ADAMTSL1: variants seen among roughly 807,000 people sequenced by gnomAD.
The protein encoded by ADAMTSL1 is ADAMTS-like protein 1.
Under a neutral mutation model 201.8 loss-of-function variants are expected in ADAMTSL1, and 126 were observed. That is an observed-to-expected ratio of 0.62 (90% CI 0.54 to 0.72). The LOEUF (loss-of-function observed/expected upper bound fraction) is 0.72, where lower values mean the gene tolerates loss of function less well. Among genes scored for constraint, ADAMTSL1 ranks in the 30% least tolerant of loss-of-function variants. ADAMTSL1 has a pLI of 0.00. For synonymous variants in ADAMTSL1, 1,121 were observed against 903.4 expected (o/e 1.24, Z -4.32); for missense variants, 2,679 against 2,277.8 (o/e 1.18, Z -3.59).
At chr9:18,583,053 C>T (rs1023348812) in intron 4 of ADAMTSL1, among the ~76,000 whole-genome samples, 9 of 152,022 alleles carry the variant, frequency 5.9e-5, no homozygotes, top group Non-Finnish European at 8.8e-5. Flanking sequence ...GTAAATTGCT[C>T]GGTCTTGGGT....
At chr9:18,574,604 T>C (rs1029761664) in intron 4 of ADAMTSL1, 33 of 411,460 alleles carry the variant, frequency 8.0e-5, no homozygotes, top group African/African-American at 5.2e-4. Flanking sequence ...TTTGTGTGTG[T>C]GTGTGTGTGT....
At chr9:18,645,122 A>G (rs1165200175) in intron 7 of ADAMTSL1, among the ~76,000 whole-genome samples, 1 of 152,010 alleles carries the variant, frequency 6.6e-6, no homozygotes, top group Non-Finnish European at 1.5e-5. Flanking sequence ...TTTGATTTGC[A>G]TTTCTCTGAG....
chr9:18,815,569 G>A (rs1393390742), intron 20 of ADAMTSL1, among the ~76,000 whole-genome samples: 2 of 151,466 alleles, frequency 1.3e-5, no homozygotes, highest in South Asian at 2.1e-4. Context: ...CTATCCAGGT[G>A]TGATGGTATA....
At chr9:18,864,394 T>A (rs1473421566) in intron 23 of ADAMTSL1, among the ~76,000 whole-genome samples, 1 of 152,212 alleles carries the variant, frequency 6.6e-6, no homozygotes, top group Non-Finnish European at 1.5e-5. Flanking sequence ...GACTGGCAGC[T>A]AATGAATGCC....
At chr9:18,513,126 T>A (rs1818134394) in intron 2 of ADAMTSL1, among the ~76,000 whole-genome samples, 2 of 152,180 alleles carry the variant, frequency 1.3e-5, no homozygotes, top group Admixed American at 6.5e-5. Flanking sequence ...TTTCCCTTCC[T>A]CTTTTTATTT....
intron 1 of ADAMTSL1, among the ~76,000 whole-genome samples, chr9:18,039,264 G>C (rs994236707): frequency 2.6e-5 from 4 of 152,152 alleles, no homozygotes; most frequent in Admixed American, 6.5e-5. Flanking sequence ...AAGGGATTAA[G>C]ATTTGAGCAA....
chr9:18,907,152 A>C (rs1830362762), intron 28 of ADAMTSL1: 2 of 535,602 alleles, frequency 3.7e-6, no homozygotes, highest in East Asian at 6.7e-5. Context: ...TGAGAGAGCC[A>C]GGTGCTATTG....
At chr9:18,307,459 C>G (rs1017095343) in intron 2 of ADAMTSL1, among the ~76,000 whole-genome samples, 9 of 151,822 alleles carry the variant, frequency 5.9e-5, no homozygotes, top group Non-Finnish European at 8.8e-5. Flanking sequence ...ATCTCACGTG[C>G]AAAGACACAC....
At chr9:18,682,865 ATTAACT>A (rs557971486) in intron 12 of ADAMTSL1, among the ~76,000 whole-genome samples, 82 of 152,328 alleles carry the variant, frequency 5.4e-4, no homozygotes, top group African/African-American at 1.9e-3. Flanking sequence ...AGAAATCCTG[ATTAACT>A]TTAATAAATG....
At chr9:17,970,814 G>A (rs1018259763) in intron 1 of ADAMTSL1, among the ~76,000 whole-genome samples, 1 of 151,888 alleles carries the variant, frequency 6.6e-6, no homozygotes, top group African/African-American at 2.4e-5. Context: ...CACTGAATTT[G>A]CCAAAAAATA....
chr9:18,369,431 C>G (rs1449449838), intron 2 of ADAMTSL1, among the ~76,000 whole-genome samples: 1 of 152,086 alleles, frequency 6.6e-6, no homozygotes, highest in East Asian at 1.9e-4. Context: ...CAATGAGCTA[C>G]CATCTCACAT....
intron 23 of ADAMTSL1, among the ~76,000 whole-genome samples, chr9:18,830,439 T>G (rs1190660555): frequency 1.3e-5 from 2 of 152,164 alleles, no homozygotes; most frequent in African/African-American, 4.8e-5. Context: ...ACTATACTAT[T>G]TAGACCAGCT....
At chr9:18,619,491 G>C (rs751589072) in intron 4 of ADAMTSL1, among the ~76,000 whole-genome samples, 1 of 152,082 alleles carries the variant, frequency 6.6e-6, no homozygotes, top group African/African-American at 2.4e-5. Flanking sequence ...AAACTGACTT[G>C]GTTCATATCC....
Position 18,753,334 on chromosome 9 carries a change from A to C in ADAMTSL1, c.2043A>C (p.Thr681=). ...EIGKWSPCSL[T]CGVGLQTRDV... ...GCAAGTGGAGTCCATGTAGTCTCAC[A>C]TGTGGGGTCGGCCTACAGACCAGAG... Residue 681 remains threonine (T), a synonymous_variant, in exon 16 of 29, where the codon ACA becomes ACC. Transcript: ENST00000380548. The C allele has an allele frequency of 4.3e-6, 7 of 1,612,438 alleles. No homozygotes were observed. Among genetic ancestry groups the C allele is most frequent in the Non-Finnish European group, 5.9e-6 (7 of 1,179,358 alleles).
chr9:18,556,521 T>C (rs931373199), intron 3 of ADAMTSL1, among the ~76,000 whole-genome samples: 1 of 151,910 alleles, frequency 6.6e-6, no homozygotes, highest in African/African-American at 2.4e-5. Flanking sequence ...GAAAGGAAAA[T>C]TGACTTTGGA....
At chr9:18,068,888 G>T (rs1220463807) in intron 1 of ADAMTSL1, among the ~76,000 whole-genome samples, 1 of 151,078 alleles carries the variant, frequency 6.6e-6, no homozygotes, top group East Asian at 1.9e-4. Context: ...ACTTTACTCT[G>T]GGACCTAGAA....
Position 18,588,001 on chromosome 9 carries a change from G to A in ADAMTSL1, c.474+13735G>A, listed in dbSNP as rs1384389583. The stretch of plus-strand genomic sequence containing the variant: ...TGGATATATAACCAGTAGTGAGGTT[G>A]CTGGATCATATAGTAGTTCTAGTTT... On this transcript the variant is annotated intron_variant, in intron 4 of 28. Transcript: ENST00000380548. Among the ~76,000 whole-genome samples the A allele has an allele frequency of 1.3e-5, 2 of 152,192 alleles. 1 individual carries two copies. Among genetic ancestry groups the A allele is most frequent in the Non-Finnish European group, 2.9e-5 (2 of 68,026 alleles).
At chr9:18,028,292 T>C (rs62553124) in intron 1 of ADAMTSL1, among the ~76,000 whole-genome samples, 3,628 of 152,262 alleles carry the variant, frequency 0.024, 73 homozygotes, top group South Asian at 0.081. Context: ...CAGGTATTGT[T>C]CCTTTGTTTC....
intron 2 of ADAMTSL1, among the ~76,000 whole-genome samples, chr9:18,247,192 T>C (rs1831285157): frequency 6.6e-6 from 1 of 152,182 alleles, no homozygotes. Context: ...TAAAACACAA[T>C]ATTATCCCAT....
Sources: gnomAD v4.1 joint callset for allele counts (sites outside exome capture counted in the v4.1 genomes callset) on GRCh38, gnomAD v4.1.1 for gene constraint, MANE v1.5 for transcripts, NCBI Gene and HGNC (gene_info 2026-07-23, HGNC 2026-07-21) for gene names.